Variants in UBFD1 observed in about 807,000 individuals in gnomAD.
UBFD1 encodes ubiquitin domain-containing protein UBFD1.
Under a neutral mutation model 35.1 loss-of-function variants are expected in UBFD1, and 12 were observed. That is an observed-to-expected ratio of 0.34 (90% CI 0.22 to 0.55). The LOEUF (loss-of-function observed/expected upper bound fraction) is 0.55. UBFD1 is among the 20% of genes least tolerant of loss of function. UBFD1 has a pLI of 0.89. For missense variants in UBFD1, 337 were observed against 410.8 expected, an observed-to-expected ratio of 0.82 and a Z score of 1.55; for synonymous variants, 178 against 167.6, an observed-to-expected ratio of 1.06 and a Z score of -0.48.
intron 3 of UBFD1, 104 bp from the exon 4 acceptor site, chr16:23,562,102 T>G: frequency 9.3e-7 from 1 of 1,077,626 alleles, no homozygotes; most frequent in Non-Finnish European, 1.4e-6. Flanking sequence ...TTAAAAGCTT[T>G]TGAGCCAAAA....
intron 6 of UBFD1, chr16:23,568,921 TCA>T (rs1677138214): frequency 6.6e-6 from 1 of 152,168 alleles, no homozygotes; most frequent in African/African-American, 2.4e-5. Context: ...GTGTTGCCAG[TCA>T]CACCCTGTAG....
intron 5 of UBFD1, 22 bp from the exon 6 acceptor site, chr16:23,566,965 A>G (rs746626180): frequency 5.6e-5 from 90 of 1,612,078 alleles, no homozygotes; most frequent in Non-Finnish European, 7.6e-5. Flanking sequence ...TTGAATAATC[A>G]CTGTAATCCC....
chr16:23,558,783 A>ATTT, intron 2 of UBFD1, among the ~76,000 whole-genome samples: 1 of 137,000 alleles, frequency 7.3e-6, no homozygotes, highest in African/African-American at 2.7e-5. Context: ...TCTTTTTCCT[A>ATTT]TTTTTTTTTT....
rs1015318050 is a variant in UBFD1 at position 23,571,968 on chromosome 16, A to T, written c.*1378A>T. On this transcript the variant is annotated 3_prime_UTR_variant, in exon 7 of 7. Transcript: ENST00000395878. ...TTGCAGTTCTCCTCTCACTGGTTGC[A>T]GGCTTTCATAGTAAGGTTTGGCGAG... The T allele has an allele frequency of 3.3e-5, 5 of 152,636 alleles. No individual in the cohort carries two copies. Among genetic ancestry groups the T allele is most frequent in the African/African-American group, 1.2e-4 (5 of 41,454 alleles). 9.5% of individuals were successfully genotyped at this position (152,636 alleles called of 1,614,324 possible).
At chr16:23,563,729 T>G (rs1965971361) in intron 5 of UBFD1, among the ~76,000 whole-genome samples, 2 of 152,214 alleles carry the variant, frequency 1.3e-5, no homozygotes, top group African/African-American at 2.4e-5. Flanking sequence ...TAAATTTTGG[T>G]TCCAGCTTCT....
rs1476190920 is a variant in UBFD1 at position 23,559,889 on chromosome 16, C to T, written c.564+213C>T. ...GGCGGGTCAGTGTGTCTCAAGTCTA[C>T]CTACTTTAGGATAAGACCTTGGTAA... On this transcript the variant is annotated intron_variant, in intron 3 of 6. Transcript: ENST00000395878. 25 of 1,528,460 alleles carry T rather than the reference C, an allele frequency of 1.6e-5. No homozygotes were observed. The East Asian group carries it at 5.1e-4, about 31-fold the overall frequency. 94.7% of individuals were successfully genotyped at this position (1,528,460 alleles called of 1,614,324 possible). A position where few individuals can be genotyped will look rare whatever the true frequency, so the allele number is the denominator to read the frequency against.
At chr16:23,570,241 C>G (rs545550030) in intron 6 of UBFD1, among the ~76,000 whole-genome samples, 2 of 152,150 alleles carry the variant, frequency 1.3e-5, no homozygotes, top group Non-Finnish European at 2.9e-5. Flanking sequence ...CAGCAAGCCC[C>G]CCGGATGGCT....
intron 3 of UBFD1, chr16:23,559,948 A>G: frequency 7.3e-7 from 1 of 1,367,532 alleles, no homozygotes; most frequent in Non-Finnish European, 9.7e-7. Context: ...GAAAGGAATC[A>G]GACGTGGGTT....
rs2142225744 is a variant in UBFD1 at position 23,574,319 on chromosome 16, G to A, written c.*3729G>A. 6.6e-6 allele frequency: 1 copy of A among 152,556 alleles called. No homozygotes were observed. The highest frequency in any genetic ancestry group is 2.1e-4 in the South Asian group (1 of 4,824). 9.5% of individuals were successfully genotyped at this position (152,556 alleles called of 1,614,324 possible). ...TGCACTGCTGGATTTTTTTTTTAAAGTGTAACCTTGAATAGCTGTCTTATT... is the reference window on the plus strand; with the variant it reads ...TGCACTGCTGGATTTTTTTTTTAAAATGTAACCTTGAATAGCTGTCTTATT... On this transcript the variant is annotated 3_prime_UTR_variant, in exon 7 of 7. Coordinates refer to ENST00000395878, the MANE Select transcript of UBFD1 (RefSeq NM_019116.3).
At chr16:23,562,534 C>A in intron 4 of UBFD1, 91 bp from the exon 5 acceptor site, 1 of 1,224,200 alleles carries the variant, frequency 8.2e-7, no homozygotes, top group Non-Finnish European at 1.2e-6. Context: ...TCCCAGTGTG[C>A]TGGGATTACA....
chr16:23,561,841 G>T lies in UBFD1; in HGVS notation c.565-365G>T, dbSNP rs766152468. On this transcript the variant is annotated intron_variant, in intron 3 of 6. Coordinates refer to ENST00000395878, the MANE Select transcript of UBFD1 (RefSeq NM_019116.3). ...AGTGGTGATTTTTTTTTTTTTTTTT[G>T]AGGGGAGGAGGGCAATCTGGAAATC... 3.9e-3 allele frequency: 556 copies of T among 141,992 alleles called. 2 individuals are homozygous for T. The highest frequency in any genetic ancestry group is 6.0e-3 in the Non-Finnish European group (428 of 70,954). 8.8% of individuals were successfully genotyped at this position (141,992 alleles called of 1,614,324 possible).
At chr16:23,562,469 T>TCTCTA (rs1239945763) in intron 4 of UBFD1, among the ~76,000 whole-genome samples, 156 bp from the exon 5 acceptor site, 1 of 152,114 alleles carries the variant, frequency 6.6e-6, no homozygotes, top group Admixed American at 6.5e-5. Flanking sequence ...GGTTTTACCA[T>TCTCTA]GTTGCCCAGG....
Position 23,568,168 on chromosome 16 carries a change from T to C in UBFD1, c.819+1099T>C, listed in dbSNP as rs531721748. On this transcript the variant is annotated intron_variant, in intron 6 of 6. Transcript: ENST00000395878. ...ACTCTCTCTGTAGTCTTTTTTTTTT[T>C]TTTTTTTTTTGAGACGGAATCTCGC... 4.6e-4 allele frequency among the ~76,000 whole-genome samples: 69 copies of C among 150,130 alleles called. 1 individual carries two copies. The highest frequency in any genetic ancestry group is 1.5e-3 in the African/African-American group (63 of 40,932).
chr16:23,561,119 C>A (rs1402903599), intron 3 of UBFD1, among the ~76,000 whole-genome samples: 2 of 152,222 alleles, frequency 1.3e-5, no homozygotes, highest in African/African-American at 4.8e-5. Context: ...TGCTGTGTTT[C>A]ATTGAGGCCA....
chr16:23,569,098 GT>G (rs1187604341), intron 6 of UBFD1: 10 of 152,176 alleles, frequency 6.6e-5, no homozygotes, highest in African/African-American at 1.9e-4. Flanking sequence ...GATAGCTCTA[GT>G]AGTCCCCTTC....
chr16:23,570,444 C>G (rs1966068098), intron 6 of UBFD1, 36 bp from the exon 7 acceptor site: 1 of 1,551,984 alleles, frequency 6.4e-7, no homozygotes, highest in Non-Finnish European at 8.9e-7. Context: ...CTCCCGACCT[C>G]TGAAGTACCG....
At chr16:23,570,296 C>A (rs148742699) in intron 6 of UBFD1, among the ~76,000 whole-genome samples, 184 bp from the exon 7 acceptor site, 1 of 152,174 alleles carries the variant, frequency 6.6e-6, no homozygotes, top group Non-Finnish European at 1.5e-5. Context: ...AGGGTTGGCT[C>A]AGCTTAACCC....
chr16:23,559,946 T>C (rs1156827855), intron 3 of UBFD1: 2 of 1,380,478 alleles, frequency 1.4e-6, no homozygotes, highest in African/African-American at 1.5e-5. Context: ...TTGAAAGGAA[T>C]CAGACGTGGG....
intron 3 of UBFD1, 111 bp from the exon 4 acceptor site, chr16:23,562,095 A>C (rs1965943929): frequency 1.0e-6 from 1 of 971,186 alleles, no homozygotes; most frequent in Non-Finnish European, 1.6e-6. Context: ...GTCGTCATTA[A>C]AAGCTTTTGA....
Sources: gnomAD v4.1 joint callset for allele counts (sites outside exome capture counted in the v4.1 genomes callset) on GRCh38, gnomAD v4.1.1 for gene constraint, MANE v1.5 for transcripts, NCBI Gene and HGNC (gene_info 2026-07-23, HGNC 2026-07-21) for gene names.